KCNIP4: variants seen among roughly 807,000 people sequenced by gnomAD.
The protein encoded by KCNIP4 is potassium voltage-gated channel interacting protein 4, also known as Kv channel-interacting protein 4.
A neutral mutation model predicts 34.0 loss-of-function variants in KCNIP4; 12 were observed. The observed-to-expected ratio is 0.35, with a 90% confidence interval of 0.23 to 0.57. The LOEUF (loss-of-function observed/expected upper bound fraction) is 0.57, where lower values mean the gene tolerates loss of function less well. KCNIP4 is among the 20% of genes least tolerant of loss of function. The pLI, the probability that KCNIP4 is intolerant of heterozygous loss-of-function variation, is 0.83. For missense variants in KCNIP4, 238 were observed against 311.7 expected, an observed-to-expected ratio of 0.76 and a Z score of 1.78; for synonymous variants, 124 against 102.2, an observed-to-expected ratio of 1.21 and a Z score of -1.29.
intron 1 of KCNIP4, among the ~76,000 whole-genome samples, chr4:21,397,485 C>A (rs1263944938): frequency 6.6e-6 from 1 of 152,284 alleles, no homozygotes; most frequent in African/African-American, 2.4e-5. Context: ...CAAACCACCA[C>A]GGCACACATT....
chr4:21,108,631 T>C (rs1210329602), intron 1 of KCNIP4, among the ~76,000 whole-genome samples: 8 of 151,860 alleles, frequency 5.3e-5, no homozygotes, highest in South Asian at 2.1e-4. Flanking sequence ...CTTTGTTCCA[T>C]TGCTGGTGAG....
chr4:21,382,334 G>A (rs1721582430), intron 1 of KCNIP4, among the ~76,000 whole-genome samples: 1 of 152,148 alleles, frequency 6.6e-6, no homozygotes, highest in Non-Finnish European at 1.5e-5. Context: ...GCTTTAAGCA[G>A]GACAGTGATC....
chr4:21,754,491 G>C (rs979335874), intron 1 of KCNIP4, among the ~76,000 whole-genome samples: 6 of 152,152 alleles, frequency 3.9e-5, no homozygotes, highest in Non-Finnish European at 7.3e-5. Context: ...TAAGCAATAG[G>C]TATGACCATT....
chr4:21,200,875 A>G (rs958810373), intron 1 of KCNIP4, among the ~76,000 whole-genome samples: 1 of 152,106 alleles, frequency 6.6e-6, no homozygotes, highest in Admixed American at 6.5e-5. Context: ...GGTGACTCCA[A>G]TATTAAAATC....
chr4:21,917,021 G>A (rs1392929709), intron 1 of KCNIP4, among the ~76,000 whole-genome samples: 1 of 152,176 alleles, frequency 6.6e-6, no homozygotes, highest in Non-Finnish European at 1.5e-5. Flanking sequence ...CAACCTTGTG[G>A]CTTCTTTGCT....
intron 1 of KCNIP4, among the ~76,000 whole-genome samples, chr4:21,294,908 A>T (rs1186016553): frequency 6.6e-6 from 1 of 152,182 alleles, no homozygotes; most frequent in Non-Finnish European, 1.5e-5. Context: ...AGAAGGAACT[A>T]CTCAAAGGAT....
chr4:21,859,086 G>C (rs1724916194), intron 1 of KCNIP4, among the ~76,000 whole-genome samples: 1 of 152,152 alleles, frequency 6.6e-6, no homozygotes, highest in South Asian at 2.1e-4. Flanking sequence ...AATTTTATCA[G>C]ACATAGGACA....
chr4:21,750,146 C>T (rs1051845669), intron 1 of KCNIP4, among the ~76,000 whole-genome samples: 9 of 152,244 alleles, frequency 5.9e-5, no homozygotes, highest in East Asian at 3.9e-4. Flanking sequence ...ACATTGTAGA[C>T]GCTGCCTGCC....
intron 1 of KCNIP4, among the ~76,000 whole-genome samples, chr4:21,236,873 A>G (rs534814689): frequency 6.6e-6 from 1 of 151,662 alleles, no homozygotes; most frequent in East Asian, 1.9e-4. Flanking sequence ...CCAAAAAATT[A>G]GCAGGTGCCT....
chr4:21,053,998 T>C (rs1182057865), intron 1 of KCNIP4, among the ~76,000 whole-genome samples: 1 of 152,196 alleles, frequency 6.6e-6, no homozygotes, highest in Admixed American at 6.5e-5. Flanking sequence ...TTTGTAGATA[T>C]TGACAAAATG....
chr4:21,432,091 C>CATATATATATATATT (rs1726515556), intron 1 of KCNIP4, among the ~76,000 whole-genome samples: 6 of 36,382 alleles, frequency 1.6e-4, no homozygotes, highest in African/African-American at 4.4e-4. Flanking sequence ...AAAATGGAAG[C>CATATATATATATATT]ATATATATAT....
intron 1 of KCNIP4, among the ~76,000 whole-genome samples, chr4:21,259,301 C>T (rs1338981918): frequency 6.6e-6 from 1 of 152,170 alleles, no homozygotes; most frequent in Non-Finnish European, 1.5e-5. Context: ...AGAAGACTGG[C>T]CTAGTTCATG....
Position 21,780,117 on chromosome 4 carries a change from A to T in KCNIP4, c.61+168454T>A, listed in dbSNP as rs572256725. 4.6e-5 allele frequency among the ~76,000 whole-genome samples: 7 copies of T among 152,202 alleles called. 2 individuals are homozygous for T. Among genetic ancestry groups the T allele is most frequent in the African/African-American group, 1.7e-4 (7 of 41,532 alleles). On this transcript the variant is annotated intron_variant, in intron 1 of 8. Transcript: ENST00000382152. ...CCACTATCTTCTAAAACACCCACTA[A>T]AATGAGAGCATAAAAGTTTTATAAC...
intron 1 of KCNIP4, among the ~76,000 whole-genome samples, chr4:21,438,132 A>C (rs1461204971): frequency 6.6e-6 from 1 of 152,136 alleles, no homozygotes; most frequent in African/African-American, 2.4e-5. Context: ...TGTCTTATAA[A>C]TCTCGCTAGC....
chr4:21,366,726 TA>T (rs1456626424), intron 1 of KCNIP4, among the ~76,000 whole-genome samples: 2 of 151,916 alleles, frequency 1.3e-5, no homozygotes, highest in Admixed American at 1.3e-4. Context: ...ACCTGGTCTT[TA>T]CCCAGTTAGA....
chr4:20,919,719 A>AG (rs1729203849), intron 1 of KCNIP4, among the ~76,000 whole-genome samples: 3 of 152,002 alleles, frequency 2.0e-5, no homozygotes, highest in African/African-American at 4.8e-5. Flanking sequence ...AAAAAAAAAA[A>AG]AAAAGATAAA....
At chr4:20,988,047 C>A (rs1203312064) in intron 1 of KCNIP4, among the ~76,000 whole-genome samples, 3 of 142,114 alleles carry the variant, frequency 2.1e-5, no homozygotes, top group African/African-American at 5.3e-5. Context: ...TAATTTAATC[C>A]TTTTATAGTT....
chr4:21,321,165 A>T (rs1204988982), intron 1 of KCNIP4, among the ~76,000 whole-genome samples: 2 of 152,162 alleles, frequency 1.3e-5, no homozygotes, highest in African/African-American at 4.8e-5. Flanking sequence ...AAAGAGCCAT[A>T]CTATGGTTAT....
intron 1 of KCNIP4, among the ~76,000 whole-genome samples, chr4:21,565,202 C>T (rs1220175333): frequency 6.6e-6 from 1 of 152,136 alleles, no homozygotes; most frequent in African/African-American, 2.4e-5. Context: ...TAGTCTAAGA[C>T]CAAGGGGCTG....
Sources: gnomAD v4.1 joint callset for allele counts (sites outside exome capture counted in the v4.1 genomes callset) on GRCh38, gnomAD v4.1.1 for gene constraint, MANE v1.5 for transcripts, NCBI Gene and HGNC (gene_info 2026-07-23, HGNC 2026-07-21) for gene names.